SLC8A1: variants seen among roughly 807,000 people sequenced by gnomAD.
SLC8A1 encodes the protein sodium/calcium exchanger 1.
In SLC8A1, 18 loss-of-function variants were observed where a neutral mutation model predicts 68.3. The observed-to-expected ratio is 0.26, with a 90% CI of 0.18 to 0.39. The LOEUF (loss-of-function observed/expected upper bound fraction) is 0.39. Among genes scored for constraint, SLC8A1 ranks in the 10% least tolerant of loss-of-function variants. The pLI is 1.00. For missense variants in SLC8A1, 985 were observed against 1,156.7 expected (o/e 0.85, Z 2.15); for synonymous variants, 475 against 415.5 (o/e 1.14, Z -1.74).
chr2:40,485,699 C>T (rs1704923493), intron 1 of SLC8A1, among the ~76,000 whole-genome samples: 3 of 152,056 alleles, frequency 2.0e-5, no homozygotes, highest in African/African-American at 7.2e-5. Context: ...AAACTCTTGC[C>T]TTCTAGAGTA....
chr2:40,448,299 G>C (rs962426654), intron 1 of SLC8A1, among the ~76,000 whole-genome samples: 3 of 152,158 alleles, frequency 2.0e-5, no homozygotes, highest in Non-Finnish European at 4.4e-5. Context: ...GAGAGAAAAA[G>C]AGATTTTGGA....
intron 1 of SLC8A1, among the ~76,000 whole-genome samples, chr2:40,450,832 C>T (rs894619938): frequency 2.6e-5 from 4 of 152,222 alleles, no homozygotes; most frequent in Non-Finnish European, 5.9e-5. Context: ...GTACAACATG[C>T]ACATTGCTCT....
At chr2:40,153,445 C>G (rs907556226) in intron 6 of SLC8A1, among the ~76,000 whole-genome samples, 5 of 152,158 alleles carry the variant, frequency 3.3e-5, no homozygotes, top group African/African-American at 1.2e-4. Context: ...TATTTGTCAT[C>G]CATGTTATAT....
chr2:40,193,787 A>T (rs2052372781), intron 2 of SLC8A1, among the ~76,000 whole-genome samples: 1 of 152,078 alleles, frequency 6.6e-6, no homozygotes, highest in Non-Finnish European at 1.5e-5. Flanking sequence ...TGTGGAGAAG[A>T]TATTATCTCC....
rs1162934399 is a variant in SLC8A1 at position 40,219,875 on chromosome 2, ATTTTTTTTTTTTTT to A, written c.1809-42034_1809-42021del. On this transcript the variant is annotated intron_variant, in intron 2 of 7. Transcript: ENST00000406785. ...TCCAACAGAGCCTCCCTACTATAGG[ATTTTTTTTTTTTTT>A]TTTTTTTTTTTTTTAGAAAATCAAT... 1.8e-4 allele frequency among the ~76,000 whole-genome samples: 5 copies of A among 27,794 alleles called. No homozygotes were observed. In the South Asian group the frequency reaches 5.9e-3, roughly 33 times the overall value. The allele number at this position is 27,794 out of a possible 152,430, so 18.2% of individuals were successfully genotyped here.
At chr2:40,449,473 AAC>A (rs1335844845) in intron 1 of SLC8A1, among the ~76,000 whole-genome samples, 1 of 152,190 alleles carries the variant, frequency 6.6e-6, no homozygotes, top group Non-Finnish European at 1.5e-5. Context: ...ATTTTTTCAA[AAC>A]ACAGAAAGCT....
intron 2 of SLC8A1, among the ~76,000 whole-genome samples, chr2:40,407,386 G>T (rs946807547): frequency 1.3e-5 from 2 of 152,140 alleles, no homozygotes; most frequent in Non-Finnish European, 2.9e-5. Context: ...CTCATGGACT[G>T]GTTCCTTGTC....
chr2:40,154,025 C>T (rs1267432103), intron 6 of SLC8A1, among the ~76,000 whole-genome samples: 2 of 152,158 alleles, frequency 1.3e-5, no homozygotes, highest in Non-Finnish European at 2.9e-5. Context: ...AGGAGGAACA[C>T]CTAGGATTGA....
At chr2:40,346,407 G>A (rs556635304) in intron 2 of SLC8A1, among the ~76,000 whole-genome samples, 3 of 152,206 alleles carry the variant, frequency 2.0e-5, no homozygotes, top group South Asian at 2.1e-4. Context: ...ATGCTAGGGC[G>A]TTTACCTCAT....
At position 40,225,808 on chromosome 2, in the gene SLC8A1, G is replaced by A. The variant is rs551651809; in HGVS notation, c.1809-47953C>T. Among the ~76,000 whole-genome samples the A allele has an allele frequency of 1.9e-4, 29 of 152,218 alleles. No individual in the cohort carries two copies. In the South Asian group the frequency reaches 6.0e-3, roughly 32 times the overall value. ...AACTTAAGCATCACACTTTACCTTG[G>A]CCTCACTTGGATAAACAGATTCCTC... is the stretch of plus-strand genomic sequence containing the variant. On this transcript the variant is annotated intron_variant, in intron 2 of 7. Transcript: ENST00000406785.
chr2:40,216,434 G>A (rs571173256), intron 2 of SLC8A1, among the ~76,000 whole-genome samples: 15 of 152,190 alleles, frequency 9.9e-5, no homozygotes, highest in African/African-American at 3.6e-4. Flanking sequence ...CTCCATGACT[G>A]CTATTGGAAA....
chr2:40,282,086 G>T (rs895424695), intron 2 of SLC8A1, among the ~76,000 whole-genome samples: 1 of 152,194 alleles, frequency 6.6e-6, no homozygotes, highest in East Asian at 1.9e-4. Context: ...ATCAAATTGT[G>T]TCCTCTCCTT....
At chr2:40,242,797 A>G (rs1403223704) in intron 2 of SLC8A1, among the ~76,000 whole-genome samples, 2 of 152,204 alleles carry the variant, frequency 1.3e-5, no homozygotes, top group Admixed American at 1.3e-4. Context: ...GACTTTCTAG[A>G]CTTGCTTAGA....
intron 7 of SLC8A1, among the ~76,000 whole-genome samples, chr2:40,133,740 C>G (rs1025499972): frequency 1.1e-4 from 17 of 150,928 alleles, no homozygotes; most frequent in Admixed American, 7.3e-4. Flanking sequence ...TCAGAGTTCT[C>G]CCTGCAGTTA....
intron 2 of SLC8A1, among the ~76,000 whole-genome samples, chr2:40,350,217 C>G (rs893779271): frequency 6.6e-6 from 1 of 152,140 alleles, no homozygotes; most frequent in Non-Finnish European, 1.5e-5. Context: ...TATGGTGGCT[C>G]ATGCCTACAA....
At chr2:40,287,027 T>C (rs1381927036) in intron 2 of SLC8A1, among the ~76,000 whole-genome samples, 1 of 152,180 alleles carries the variant, frequency 6.6e-6, no homozygotes, top group Non-Finnish European at 1.5e-5. Flanking sequence ...CCACCCTCTT[T>C]CACAGGAGTA....
chr2:40,251,014 G>C (rs912635391), intron 2 of SLC8A1: 5 of 152,104 alleles, frequency 3.3e-5, no homozygotes, highest in African/African-American at 1.2e-4. Flanking sequence ...CAGAACTCGG[G>C]AGAGTTAAAG....
chr2:40,279,934 T>A (rs1256908846), intron 2 of SLC8A1, among the ~76,000 whole-genome samples: 1 of 152,238 alleles, frequency 6.6e-6, no homozygotes, highest in African/African-American at 2.4e-5. Context: ...TAAAAATTGT[T>A]CCCTGCCTCT....
intron 2 of SLC8A1, among the ~76,000 whole-genome samples, chr2:40,361,677 T>C (rs1040130408): frequency 1.3e-5 from 2 of 151,946 alleles, no homozygotes; most frequent in Non-Finnish European, 2.9e-5. Flanking sequence ...TACTGAATGA[T>C]GTCATCTGCA....
Sources: gnomAD v4.1 joint callset for allele counts (sites outside exome capture counted in the v4.1 genomes callset) on GRCh38, gnomAD v4.1.1 for gene constraint, MANE v1.5 for transcripts, NCBI Gene and HGNC (gene_info 2026-07-23, HGNC 2026-07-21) for gene names.